The following GRHL2 variants were observed in gnomAD, a reference collection of about 807,000 sequenced individuals.
GRHL2 encodes grainyhead-like protein 2 homolog.
Under a neutral mutation model 83.8 loss-of-function variants are expected in GRHL2, and 21 were observed. The observed-to-expected ratio is 0.25, with a 90% CI of 0.18 to 0.36. The LOEUF is 0.36. Ranked by LOEUF, GRHL2 falls within the 10% of genes least tolerant of loss-of-function variation. The pLI is 1.00. For missense variants in GRHL2, 623 were observed against 781.8 expected (o/e 0.80, Z 2.42); for synonymous variants, 280 against 278.9 (o/e 1.00, Z -0.04).
At chr8:101,625,998 G>T (rs1813072079) in intron 9 of GRHL2, among the ~76,000 whole-genome samples, 1 of 151,998 alleles carries the variant, frequency 6.6e-6, no homozygotes, top group African/African-American at 2.4e-5. Context: ...GAAATCTTTT[G>T]CTGTAATTTG....
At chr8:101,665,403 T>C (rs903399405) in intron 15 of GRHL2, among the ~76,000 whole-genome samples, 7 of 152,152 alleles carry the variant, frequency 4.6e-5, no homozygotes, top group Admixed American at 3.9e-4. Context: ...TAAAGGAAAT[T>C]GGATTATCTG....
chr8:101,615,360 T>G (rs1392407688), intron 8 of GRHL2, among the ~76,000 whole-genome samples: 1 of 152,236 alleles, frequency 6.6e-6, no homozygotes, highest in Non-Finnish European at 1.5e-5. Context: ...TTCCTGCCTG[T>G]CTGAGTGTAT....
chr8:101,502,406 CGGT>C (rs1219387731), intron 1 of GRHL2, among the ~76,000 whole-genome samples: 11 of 152,118 alleles, frequency 7.2e-5, no homozygotes, highest in Non-Finnish European at 1.0e-4. Context: ...CCAAAATCAA[CGGT>C]GGTCTGATTC....
At chr8:101,542,664 T>G in intron 1 of GRHL2, 1 of 445,088 alleles carries the variant, frequency 2.2e-6, no homozygotes, top group Non-Finnish European at 4.5e-6. Flanking sequence ...TTTGTGCTGC[T>G]ATAACAGAAT....
intron 15 of GRHL2, among the ~76,000 whole-genome samples, chr8:101,666,244 GAGTT>G (rs894123386): frequency 2.6e-5 from 4 of 152,166 alleles, no homozygotes; most frequent in Admixed American, 1.3e-4. Context: ...TTACTGAAAA[GAGTT>G]AGAGAGAGAG....
intron 9 of GRHL2, among the ~76,000 whole-genome samples, chr8:101,624,419 C>T (rs1234538493): frequency 6.6e-6 from 1 of 150,824 alleles, no homozygotes; most frequent in Non-Finnish European, 1.5e-5. Context: ...GTTCACATTA[C>T]ACAGTAGGAC....
downstream of GRHL2, among the ~76,000 whole-genome samples, chr8:101,672,927 C>T (rs1246012619): frequency 7.2e-5 from 11 of 151,734 alleles, no homozygotes; most frequent in Non-Finnish European, 1.5e-4. Flanking sequence ...GAATTTTCAA[C>T]CCAGAATTTC....
At chr8:101,571,192 G>C (rs764382099) in intron 5 of GRHL2, among the ~76,000 whole-genome samples, 1 of 152,198 alleles carries the variant, frequency 6.6e-6, no homozygotes, top group Admixed American at 6.5e-5. Context: ...CATGTGTGTG[G>C]GAGTAGGAAG....
At chr8:101,657,473 C>G (rs10106317) in intron 14 of GRHL2, among the ~76,000 whole-genome samples, 14,405 of 152,184 alleles carry the variant, frequency 0.095, 753 homozygotes, top group Middle Eastern at 0.13. Context: ...GGGGTTTTTA[C>G]AAATATTGAT....
rs546679823 is a variant in GRHL2 at position 101,552,589 on chromosome 8, G to A, written c.217-126G>A. 3.1e-4 allele frequency: 255 copies of A among 831,258 alleles called. 3 individuals carry two copies. The South Asian group carries it at 3.5e-3, about 12-fold the overall frequency. 51.5% of individuals were successfully genotyped at this position (831,258 alleles called of 1,614,324 possible). The stretch of plus-strand genomic sequence containing the variant: ...TAGCCTTTATCATCTCCTGGTGATA[G>A]CAACTTTTCCACCATTTCCTGGAGA... On this transcript the variant is annotated intron_variant, in intron 2 of 15. Transcript: ENST00000646743.
intron 6 of GRHL2, among the ~76,000 whole-genome samples, chr8:101,575,747 G>T (rs367962652): frequency 2.0e-5 from 3 of 151,974 alleles, no homozygotes; most frequent in Non-Finnish European, 4.4e-5. Context: ...TTTATTTTGC[G>T]ACAAATAAAT....
chr8:101,596,461 T>C (rs1307075795), intron 7 of GRHL2, among the ~76,000 whole-genome samples: 1 of 152,216 alleles, frequency 6.6e-6, no homozygotes, highest in African/African-American at 2.4e-5. Flanking sequence ...ATTAAGCATA[T>C]ATGAATTTTT....
At chr8:101,602,906 T>C (rs2030783) in intron 8 of GRHL2, among the ~76,000 whole-genome samples, 77,481 of 152,086 alleles carry the variant, frequency 0.51, 21,651 homozygotes, top group African/African-American at 0.74. Context: ...ATGGGGCGAG[T>C]AAGGCCACCA....
intron 7 of GRHL2, among the ~76,000 whole-genome samples, chr8:101,589,236 A>G (rs1474388317): frequency 6.6e-6 from 1 of 152,218 alleles, no homozygotes; most frequent in Non-Finnish European, 1.5e-5. Context: ...AGAAACTGCC[A>G]GGTACTTTTG....
At chr8:101,539,643 T>C (rs368903254) in intron 1 of GRHL2, among the ~76,000 whole-genome samples, 9 of 152,238 alleles carry the variant, frequency 5.9e-5, no homozygotes, top group East Asian at 5.8e-4. Flanking sequence ...AGATTAAATA[T>C]GTAAATTTTT....
chr8:101,616,463 G>A lies in GRHL2; in HGVS notation c.1099-3076G>A, dbSNP rs545722060. On this transcript the variant is annotated intron_variant, in intron 8 of 15. Transcript: ENST00000646743. ...TGGGATTACAGGTGTGAGCCACCAC[G>A]CCCAGCCTGTGTGTTCTTTCTCAGT... 4.6e-5 allele frequency among the ~76,000 whole-genome samples: 7 copies of A among 152,242 alleles called. No individual in the cohort carries two copies. In the East Asian group the frequency reaches 7.7e-4, roughly 17 times the overall value.
chr8:101,656,129 G>A (rs940450448), intron 14 of GRHL2, among the ~76,000 whole-genome samples: 15 of 152,300 alleles, frequency 9.8e-5, no homozygotes, highest in East Asian at 3.9e-4. Flanking sequence ...ACCACTTGAC[G>A]TAGTTATATT....
chr8:101,575,614 TAAC>T (rs1450306839), intron 6 of GRHL2, among the ~76,000 whole-genome samples: 1 of 152,202 alleles, frequency 6.6e-6, no homozygotes, highest in Admixed American at 6.5e-5. Flanking sequence ...TAGGGCGTGG[TAAC>T]AACAGTTTCA....
At chr8:101,515,156 TTCTCTCTC>T (rs1203857216) in intron 1 of GRHL2, among the ~76,000 whole-genome samples, 1 of 103,554 alleles carries the variant, frequency 9.7e-6, no homozygotes, top group Non-Finnish European at 2.0e-5. Context: ...CCCTCTCTCT[TTCTCTCTC>T]TCTGTCTCTC....
Sources: allele counts gnomAD v4.1 joint callset (sites outside exome capture counted in the v4.1 genomes callset), GRCh38; gene constraint gnomAD v4.1.1; transcripts MANE v1.5; gene names NCBI Gene and HGNC (gene_info 2026-07-23, HGNC 2026-07-21).